SCHIP1: variants seen among roughly 807,000 people sequenced by gnomAD.
SCHIP1 encodes the protein schwannomin-interacting protein 1.
A neutral mutation model predicts 29.7 loss-of-function variants in SCHIP1; 8 were observed. The observed-to-expected ratio is 0.27, with a 90% CI of 0.16 to 0.49. The LOEUF (loss-of-function observed/expected upper bound fraction) is 0.49, where lower values mean the gene tolerates loss of function less well. Ranked by LOEUF, SCHIP1 falls within the 20% of genes least tolerant of loss-of-function variation. The probability of loss-of-function intolerance (pLI) is 0.99; values close to 1 mark genes in which losing one functional copy is unlikely to be tolerated. For synonymous variants in SCHIP1, 76 were observed against 94.9 expected, an observed-to-expected ratio of 0.80 and a Z score of 1.16; for missense variants, 193 against 294.6, an observed-to-expected ratio of 0.66 and a Z score of 2.52.
the SCHIP1 span, among the ~76,000 whole-genome samples, chr3:159,684,566 G>A: frequency 1.3e-5 from 2 of 152,070 alleles, no homozygotes; most frequent in East Asian, 1.9e-4. Flanking sequence ...AGCACTTTGG[G>A]AGGCAAAGGT....
the SCHIP1 span, among the ~76,000 whole-genome samples, chr3:159,518,020 A>G: frequency 2.6e-5 from 4 of 152,270 alleles, no homozygotes; most frequent in Non-Finnish European, 2.9e-5. Context: ...GGCAAAAAAT[A>G]TGGTCTATTC....
the SCHIP1 span, among the ~76,000 whole-genome samples, chr3:159,657,489 C>T: frequency 6.6e-6 from 1 of 152,218 alleles, no homozygotes; most frequent in Non-Finnish European, 1.5e-5. Context: ...AAATCTGTCA[C>T]ACAGTCTAAA....
chr3:159,866,184 T>C, exon 2 of SCHIP1: 1 of 1,613,376 alleles, frequency 6.2e-7, no homozygotes, highest in Non-Finnish European at 8.5e-7. Context: ...TGAGAGAGAG[T>C]CTATCAGACA....
At chr3:159,535,160 T>C in the SCHIP1 span, among the ~76,000 whole-genome samples, 2 of 152,198 alleles carry the variant, frequency 1.3e-5, no homozygotes, top group Non-Finnish European at 2.9e-5. Flanking sequence ...CATAGTATTA[T>C]GACTGAGGTA....
the SCHIP1 span, among the ~76,000 whole-genome samples, chr3:159,626,138 ATATATCTAGATATATATATATATC>A: frequency 7.9e-5 from 9 of 114,168 alleles, no homozygotes; most frequent in African/African-American, 5.9e-4. Flanking sequence ...AGATAGATAG[ATATATCTAGATATATATATATATC>A]TAGATATATC....
chr3:159,752,814 A>G, the SCHIP1 span, among the ~76,000 whole-genome samples: 1 of 152,202 alleles, frequency 6.6e-6, no homozygotes, highest in African/African-American at 2.4e-5. Flanking sequence ...TTTGGTAGGG[A>G]TGCAGATCCA....
the SCHIP1 span, among the ~76,000 whole-genome samples, chr3:159,704,765 A>G: frequency 2.6e-5 from 4 of 152,184 alleles, no homozygotes; most frequent in African/African-American, 9.6e-5. Flanking sequence ...CACGGCACCA[A>G]TAGAGATATA....
chr3:159,400,643 G>T, the SCHIP1 span, among the ~76,000 whole-genome samples: 1 of 152,160 alleles, frequency 6.6e-6, no homozygotes, highest in African/African-American at 2.4e-5. Flanking sequence ...TCTGACTGTG[G>T]TGTCCTCTGC....
At chr3:159,491,433 A>T in the SCHIP1 span, among the ~76,000 whole-genome samples, 169 of 152,330 alleles carry the variant, frequency 1.1e-3, no homozygotes, top group Non-Finnish European at 2.1e-3. Flanking sequence ...AACGGGTTTA[A>T]CAAATGGCAC....
At chr3:159,698,895 G>A in the SCHIP1 span, among the ~76,000 whole-genome samples, 37 of 152,096 alleles carry the variant, frequency 2.4e-4, no homozygotes, top group African/African-American at 6.7e-4. Flanking sequence ...ATCTGCCTGC[G>A]TCGGCCTCCC....
At chr3:159,330,888 C>G in the SCHIP1 span, among the ~76,000 whole-genome samples, 1 of 152,172 alleles carries the variant, frequency 6.6e-6, no homozygotes, top group Non-Finnish European at 1.5e-5. Context: ...AGTAGCTCCC[C>G]TCTACTTCCT....
At chr3:159,451,956 C>T in the SCHIP1 span, among the ~76,000 whole-genome samples, 2 of 151,966 alleles carry the variant, frequency 1.3e-5, no homozygotes, top group Non-Finnish European at 1.5e-5. Flanking sequence ...CTTTCCTTTT[C>T]CAGAAAGGGG....
At chr3:159,610,556 C>T in the SCHIP1 span, among the ~76,000 whole-genome samples, 3 of 152,182 alleles carry the variant, frequency 2.0e-5, no homozygotes, top group Non-Finnish European at 4.4e-5. Context: ...TCCTACCTCC[C>T]TCTGTTTTCA....
chr3:159,667,704 C>T, the SCHIP1 span, among the ~76,000 whole-genome samples: 2 of 152,122 alleles, frequency 1.3e-5, no homozygotes, highest in African/African-American at 2.4e-5. Flanking sequence ...TTTTATGGGG[C>T]CTGACAAAAA....
chr3:159,442,418 G>T, the SCHIP1 span, among the ~76,000 whole-genome samples: 10 of 152,166 alleles, frequency 6.6e-5, no homozygotes, highest in Non-Finnish European at 1.3e-4. Context: ...GAGATCCAGA[G>T]TCTAGGAGGA....
At chr3:159,363,777 G>A in the SCHIP1 span, among the ~76,000 whole-genome samples, 16 of 152,298 alleles carry the variant, frequency 1.1e-4, no homozygotes, top group Non-Finnish European at 2.4e-4. Context: ...ACATTGTCAT[G>A]TGAAGGTCAT....
chr3:159,725,350 A>C, the SCHIP1 span, among the ~76,000 whole-genome samples: 2 of 150,180 alleles, frequency 1.3e-5, no homozygotes, highest in Non-Finnish European at 3.0e-5. Context: ...GCTCACTGCA[A>C]CCTCTGCCTC....
At chr3:159,299,349 G>A in the SCHIP1 span, among the ~76,000 whole-genome samples, 1 of 152,122 alleles carries the variant, frequency 6.6e-6, no homozygotes, top group Admixed American at 6.5e-5. Flanking sequence ...TCATGTGAAT[G>A]TGAATAGGAA....
the SCHIP1 span, among the ~76,000 whole-genome samples, chr3:159,802,582 C>G: frequency 6.6e-6 from 1 of 152,094 alleles, no homozygotes; most frequent in Non-Finnish European, 1.5e-5. Context: ...TGAGAGGTGA[C>G]CTTTCTGATG....
Sources: allele counts gnomAD v4.1 joint callset (sites outside exome capture counted in the v4.1 genomes callset), GRCh38; gene constraint gnomAD v4.1.1; transcripts MANE v1.5; gene names NCBI Gene and HGNC (gene_info 2026-07-23, HGNC 2026-07-21).